The following FABP6 variants were observed in gnomAD, a reference collection of about 807,000 sequenced individuals.
FABP6 encodes gastrotropin.
Under a neutral mutation model 14.9 loss-of-function variants are expected in FABP6, and 13 were observed. The observed-to-expected ratio is 0.87, with a 90% CI of 0.57 to 1.39. FABP6 has a LOEUF of 1.39. FABP6 is among the 40% of genes most tolerant of loss of function. FABP6 has a pLI of 0.00. For synonymous variants in FABP6, 75 were observed against 63.6 expected, an observed-to-expected ratio of 1.18 and a Z score of -0.85; for missense variants, 161 against 167.2, an observed-to-expected ratio of 0.96 and a Z score of 0.20.
chr5:160,234,880 T>C lies in FABP6; in HGVS notation c.304T>C (p.Ser102Pro). The C allele has an allele frequency of 6.2e-7, 1 of 1,611,184 alleles. No individual in the cohort carries two copies. ...GAATTTCCCCAACTATCACCAGACC[T>C]CAGAGATCGTGGGTGACAAGCTGGT... is the stretch of plus-strand genomic sequence containing the variant. The part of the protein sequence containing the change: ...VVNFPNYHQT[S>P]EIVGDKLVEV... The change falls in exon 3 of 4, where the codon TCA becomes CCA. Residue 102 changes from serine (S) to proline (P), a missense_variant. By Grantham distance (74) the Ser-to-Pro change is moderately conservative. Coordinates refer to ENST00000402432, the MANE Select transcript of FABP6 (RefSeq NM_001445.3).
upstream of FABP6, among the ~76,000 whole-genome samples, chr5:160,226,242 G>GA (rs937899826): frequency 1.3e-5 from 2 of 151,386 alleles, no homozygotes; most frequent in Admixed American, 1.3e-4. Context: ...GGGATTTTTT[G>GA]AAAAAAAGAC....
Position 160,194,207 on chromosome 5 carries a change from C to G in FABP6, c.-58-4842C>G, listed in dbSNP as rs187787187. Among the ~76,000 whole-genome samples the G allele has an allele frequency of 1.3e-5, 2 of 152,214 alleles. 1 individual carries two copies. The highest frequency in any genetic ancestry group is 2.9e-5 in the Non-Finnish European group (2 of 68,020). The stretch of plus-strand genomic sequence containing the variant: ...TGCTCCCAGTGCGGGACCCACCAAG[C>G]CCACGCCCACCGGCAACTCCAGCTG... On this transcript the variant is annotated intron_variant, in intron 1 of 6. Transcript: ENST00000393980.
At chr5:160,227,452 G>A (rs1356088586), upstream of FABP6, among the ~76,000 whole-genome samples, 1 of 151,424 alleles carries the variant, frequency 6.6e-6, no homozygotes, top group Non-Finnish European at 1.5e-5. Context: ...GCTTAAACCT[G>A]GGAGCGGAGG....
chr5:160,229,533 C>T lies in FABP6; in HGVS notation c.-25C>T. The T allele has an allele frequency of 1.2e-6, 2 of 1,613,890 alleles. No homozygotes were observed. Among genetic ancestry groups the T allele is most frequent in the African/African-American group, 1.3e-5 (1 of 75,064 alleles). On this transcript the variant is annotated 5_prime_UTR_variant, in exon 1 of 4. Coordinates refer to ENST00000402432, the MANE Select transcript of FABP6 (RefSeq NM_001445.3). The stretch of plus-strand genomic sequence containing the variant: ...CACCCATTCTCCTCATCCCTCTGCT[C>T]TCTGGCCTCCAGCCTCCCAGCAGCA...
At chr5:160,214,402 C>T (rs1759971500) in intron 3 of FABP6, among the ~76,000 whole-genome samples, 1 of 151,832 alleles carries the variant, frequency 6.6e-6, no homozygotes, top group Non-Finnish European at 1.5e-5. Flanking sequence ...TGGCCTCAAG[C>T]AGTCCTCTCA....
intron 2 of FABP6, among the ~76,000 whole-genome samples, chr5:160,233,866 C>T (rs924730389): frequency 7.7e-6 from 1 of 129,060 alleles, no homozygotes; most frequent in South Asian, 2.9e-4. Flanking sequence ...GGCGAGGCTC[C>T]GTCTCAAAAA....
At chr5:160,191,219 A>T (rs1315589034) in intron 1 of FABP6, among the ~76,000 whole-genome samples, 1 of 152,014 alleles carries the variant, frequency 6.6e-6, no homozygotes, top group Non-Finnish European at 1.5e-5. Context: ...TAATCCTAGC[A>T]CTTTGAGAGG....
At chr5:160,219,079 C>G (rs1330396542) in intron 3 of FABP6, among the ~76,000 whole-genome samples, 1 of 152,076 alleles carries the variant, frequency 6.6e-6, no homozygotes, top group Non-Finnish European at 1.5e-5. Context: ...TTCTAGGGAT[C>G]GATGCCAACT....
upstream of FABP6, chr5:160,228,736 A>G (rs1760305434): frequency 3.2e-5 from 11 of 347,244 alleles, no homozygotes; most frequent in South Asian, 2.2e-4. Flanking sequence ...CTCTGGTTGC[A>G]TTATCTGCAC....
intron 2 of FABP6, among the ~76,000 whole-genome samples, chr5:160,208,382 GAGCTAAAAT>G (rs1759813545): frequency 1.3e-5 from 2 of 152,026 alleles, no homozygotes; most frequent in Admixed American, 1.3e-4. Context: ...AGGCTGTTGT[GAGCTAAAAT>G]CATGCCACTG....
At chr5:160,199,502 C>A (rs1329834837) in intron 2 of FABP6, among the ~76,000 whole-genome samples, 4 of 152,222 alleles carry the variant, frequency 2.6e-5, no homozygotes, top group Non-Finnish European at 5.9e-5. Flanking sequence ...CCGTGCCGTG[C>A]CAAGCCGGCC....
At chr5:160,220,769 G>A (rs774253372) in intron 3 of FABP6, among the ~76,000 whole-genome samples, 1 of 151,980 alleles carries the variant, frequency 6.6e-6, no homozygotes, top group Non-Finnish European at 1.5e-5. Flanking sequence ...GTAACTGCCT[G>A]TTTATGGGAC....
chr5:160,222,266 AT>A (rs1280084061), intron 3 of FABP6, among the ~76,000 whole-genome samples: 1 of 151,672 alleles, frequency 6.6e-6, no homozygotes, highest in Non-Finnish European at 1.5e-5. Flanking sequence ...TAATTTTTAA[AT>A]TTTTAGTAGA....
At chr5:160,204,154 A>AT (rs1759707834) in intron 2 of FABP6, among the ~76,000 whole-genome samples, 1 of 144,322 alleles carries the variant, frequency 6.9e-6, no homozygotes, top group Non-Finnish European at 1.5e-5. Flanking sequence ...AAAAAAAAAA[A>AT]AAATACCCAC....
At chr5:160,218,197 G>C (rs1436358925) in intron 3 of FABP6, among the ~76,000 whole-genome samples, 1 of 152,064 alleles carries the variant, frequency 6.6e-6, no homozygotes, top group African/African-American at 2.4e-5. Flanking sequence ...GAGTCACTGA[G>C]ACTACAGGTG....
At chr5:160,236,487 C>T (rs927015426) in intron 3 of FABP6, among the ~76,000 whole-genome samples, 24 of 152,070 alleles carry the variant, frequency 1.6e-4, no homozygotes, top group African/African-American at 3.6e-4. Context: ...CAAGAGGTTC[C>T]GTGCCCTCCC....
chr5:160,203,779 G>A (rs1759698764), intron 2 of FABP6, among the ~76,000 whole-genome samples: 1 of 150,052 alleles, frequency 6.7e-6, no homozygotes, highest in African/African-American at 2.5e-5. Context: ...TTAGCTCACT[G>A]TAATCTCCGC....
chr5:160,206,918 C>T (rs966207123), intron 2 of FABP6, among the ~76,000 whole-genome samples: 2 of 152,194 alleles, frequency 1.3e-5, no homozygotes, highest in Admixed American at 6.5e-5. Context: ...CCTTCAAAGG[C>T]GAAAAAAACC....
At chr5:160,211,231 C>T (rs958162527) in intron 2 of FABP6, among the ~76,000 whole-genome samples, 5 of 152,054 alleles carry the variant, frequency 3.3e-5, no homozygotes, top group African/African-American at 1.2e-4. Context: ...TCTTGGAGAG[C>T]TGCTCCTTGA....
Sources: gnomAD v4.1 joint callset for allele counts (sites outside exome capture counted in the v4.1 genomes callset) on GRCh38, gnomAD v4.1.1 for gene constraint, MANE v1.5 for transcripts, NCBI Gene and HGNC (gene_info 2026-07-23, HGNC 2026-07-21) for gene names.